SPIRE1: variants seen among roughly 807,000 people sequenced by gnomAD.
SPIRE1 encodes the protein protein spire homolog 1.
SPIRE1 carries 40 observed loss-of-function variants against 94.1 expected under a neutral mutation model. The ratio of observed to expected loss-of-function variants is 0.43; its 90% CI spans 0.33 to 0.55. The LOEUF (loss-of-function observed/expected upper bound fraction) is 0.55, where lower values mean the gene tolerates loss of function less well. Among genes scored for constraint, SPIRE1 ranks in the 20% least tolerant of loss-of-function variants. The pLI is 0.06. For missense variants in SPIRE1, 838 were observed against 975.2 expected (o/e 0.86, Z 1.87); for synonymous variants, 376 against 371.7 (o/e 1.01, Z -0.13).
intron 12 of SPIRE1, among the ~76,000 whole-genome samples, chr18:12,462,294 T>G (rs2031897968): frequency 6.6e-6 from 1 of 152,262 alleles, no homozygotes; most frequent in Non-Finnish European, 1.5e-5. Context: ...ACTCTAATAA[T>G]TCATCACAGC....
In SPIRE1 at chr18:12,495,585, G is replaced by A. The variant is rs145544424; in HGVS notation, c.1059+431C>T. On this transcript the variant is annotated intron_variant, in intron 7 of 16. Transcript: ENST00000409402. ...TTAAATAATTTTAAGATTTTTCAGT[G>A]ACTTAAGAATATAATTTACAAGGCC... Among the ~76,000 whole-genome samples the A allele has an allele frequency of 1.1e-3, 175 of 152,274 alleles. 1 individual carries two copies. The highest frequency in any genetic ancestry group is 3.8e-3 in the African/African-American group (159 of 41,576).
upstream of SPIRE1, among the ~76,000 whole-genome samples, chr18:12,659,703 A>G (rs893858927): frequency 5.9e-5 from 9 of 152,106 alleles, no homozygotes; most frequent in Non-Finnish European, 1.2e-4. Context: ...AGAGGAGAAG[A>G]AAGCTCCCCA....
At chr18:12,612,484 T>G (rs12606506) in intron 2 of SPIRE1, among the ~76,000 whole-genome samples, 53,988 of 152,026 alleles carry the variant, frequency 0.36, 10,872 homozygotes, top group East Asian at 0.59. Context: ...TAGTTTCATA[T>G]TTATATAGTC....
intron 2 of SPIRE1, among the ~76,000 whole-genome samples, chr18:12,554,644 T>C (rs2144342824): frequency 6.6e-6 from 1 of 152,200 alleles, no homozygotes; most frequent in East Asian, 1.9e-4. Context: ...TTCTCAAAGG[T>C]GAGTAATCCC....
Position 12,538,120 on chromosome 18 carries a change from A to G in SPIRE1, c.604-2519T>C, listed in dbSNP as rs9950017. Among the ~76,000 whole-genome samples, 388 of 152,264 alleles carry G rather than the reference A, an allele frequency of 2.5e-3. 5 individuals are homozygous for G. The highest frequency in any genetic ancestry group is 9.0e-3 in the African/African-American group (375 of 41,544). ...AGGATACACAGCTAGTCAATGGCAT[A>G]AATGGAACCGAAACCAGGTAGTCTC... is the stretch of plus-strand genomic sequence containing the variant. On this transcript the variant is annotated intron_variant, in intron 3 of 16. Coordinates refer to ENST00000409402, the MANE Select transcript of SPIRE1 (RefSeq NM_001128626.2).
At chr18:12,520,414 G>A (rs1294076145) in intron 4 of SPIRE1, among the ~76,000 whole-genome samples, 9 of 152,134 alleles carry the variant, frequency 5.9e-5, no homozygotes, top group Admixed American at 5.9e-4. Flanking sequence ...AGGTGGCAGA[G>A]TTCTTCCACG....
chr18:12,450,921 A>G (rs906245081), intron 16 of SPIRE1: 8 of 694,134 alleles, frequency 1.2e-5, no homozygotes, highest in East Asian at 2.7e-5. Flanking sequence ...GTTTCTGACT[A>G]TAAGTTGAAA....
chr18:12,640,301 T>C (rs113022111), intron 1 of SPIRE1, among the ~76,000 whole-genome samples: 2 of 152,366 alleles, frequency 1.3e-5, no homozygotes, highest in African/African-American at 4.8e-5. Flanking sequence ...AGCTTTTTAC[T>C]ATGTGACCAA....
intron 8 of SPIRE1, among the ~76,000 whole-genome samples, chr18:12,486,838 A>G (rs1464344001): frequency 6.6e-6 from 1 of 152,332 alleles, no homozygotes; most frequent in African/African-American, 2.4e-5. Context: ...AATCCCAGAA[A>G]TAAATAATTC....
chr18:12,659,656 C>T (rs1007033979), upstream of SPIRE1, among the ~76,000 whole-genome samples: 2 of 151,794 alleles, frequency 1.3e-5, no homozygotes, highest in Admixed American at 6.6e-5. Flanking sequence ...GGGGACAGAG[C>T]GAGAGTCTGT....
At position 12,559,074 on chromosome 18, in the gene SPIRE1, C is replaced by T. The variant is rs1238668042; in HGVS notation, c.373-12170G>A. The stretch of plus-strand genomic sequence containing the variant: ...AGAGGTGCCCGCCAGTCCCGTGCCA[C>T]GTGCCTGCACTCCTCAGCCCTTGGG... On this transcript the variant is annotated intron_variant, in intron 2 of 16. Coordinates refer to ENST00000409402, the MANE Select transcript of SPIRE1 (RefSeq NM_001128626.2). The surrounding 1 kb of genome is among the most constrained non-coding windows in gnomAD (Gnocchi z 4.7). 3.3e-5 allele frequency among the ~76,000 whole-genome samples: 5 copies of T among 152,054 alleles called. No homozygotes were observed. The highest frequency in any genetic ancestry group is 1.9e-4 in the East Asian group (1 of 5,150).
intron 5 of SPIRE1, among the ~76,000 whole-genome samples, chr18:12,508,752 G>A (rs1330061457): frequency 6.7e-6 from 1 of 150,200 alleles, no homozygotes; most frequent in Non-Finnish European, 1.5e-5. Context: ...TTGGCTCACT[G>A]CAATTTCTGC....
At chr18:12,630,702 T>A (rs1020352842) in intron 2 of SPIRE1, among the ~76,000 whole-genome samples, 2 of 152,060 alleles carry the variant, frequency 1.3e-5, no homozygotes, top group Non-Finnish European at 1.5e-5. Flanking sequence ...CAATGGAGAA[T>A]CTGAGGCAGA....
chr18:12,549,439 GTTTTTTTTTTTTTTTTTTTT>G (rs869122444), intron 2 of SPIRE1, among the ~76,000 whole-genome samples: 2 of 41,248 alleles, frequency 4.8e-5, no homozygotes, highest in East Asian at 2.9e-3. Context: ...TGTTATTGTT[GTTTTTTTTTTTTTTTTTTTT>G]TTTTTTTTTT....
At chr18:12,635,224 G>A (rs2037890290) in intron 1 of SPIRE1, 128 bp from the exon 2 acceptor site, 2 of 526,364 alleles carry the variant, frequency 3.8e-6, no homozygotes, top group South Asian at 2.7e-5. Context: ...AATGAAAGAT[G>A]CTAGAATGAC....
intron 2 of SPIRE1, among the ~76,000 whole-genome samples, chr18:12,598,575 C>A (rs1395719979): frequency 6.6e-6 from 1 of 151,986 alleles, no homozygotes; most frequent in African/African-American, 2.4e-5. Flanking sequence ...ATTCTCGAGA[C>A]TTTTCTAACA....
intron 2 of SPIRE1, among the ~76,000 whole-genome samples, chr18:12,547,400 C>T (rs1314807192): frequency 2.6e-5 from 4 of 152,114 alleles, no homozygotes; most frequent in Admixed American, 6.6e-5. Context: ...ATTTTCAAGG[C>T]AGCTCACAGA....
At chr18:12,519,432 T>G (rs494124) in intron 4 of SPIRE1, among the ~76,000 whole-genome samples, 1 of 152,108 alleles carries the variant, frequency 6.6e-6, no homozygotes, top group Non-Finnish European at 1.5e-5. Flanking sequence ...CCGCTCTACA[T>G]AGCTGGACTG....
At chr18:12,623,908 G>A (rs902226078) in intron 2 of SPIRE1, among the ~76,000 whole-genome samples, 9 of 151,110 alleles carry the variant, frequency 6.0e-5, no homozygotes, top group African/African-American at 9.7e-5. Flanking sequence ...GATTACAGGC[G>A]TAAGCCACTG....
Sources: allele counts gnomAD v4.1 joint callset (sites outside exome capture counted in the v4.1 genomes callset), GRCh38; gene constraint gnomAD v4.1.1; non-coding constraint Gnocchi (gnomAD v3.1); transcripts MANE v1.5; gene names NCBI Gene and HGNC (gene_info 2026-07-23, HGNC 2026-07-21).